The following SBF2 variants were observed in gnomAD, a reference collection of about 807,000 sequenced individuals.
SBF2 encodes the protein myotubularin-related protein 13.
A neutral mutation model predicts 225.2 loss-of-function variants in SBF2; 112 were observed. That is an observed-to-expected ratio of 0.50 (90% CI 0.43 to 0.58). The LOEUF (loss-of-function observed/expected upper bound fraction) is 0.58, where lower values mean the gene tolerates loss of function less well. Ranked by LOEUF, SBF2 falls within the 20% of genes least tolerant of loss-of-function variation. SBF2 has a pLI of 0.00. For missense variants in SBF2, 1,996 were observed against 2,206.2 expected, an observed-to-expected ratio of 0.90 and a Z score of 1.91; for synonymous variants, 763 against 773.3, an observed-to-expected ratio of 0.99 and a Z score of 0.22.
At chr11:9,898,040 G>A (rs1360119612) in intron 16 of SBF2, among the ~76,000 whole-genome samples, 4 of 151,362 alleles carry the variant, frequency 2.6e-5, no homozygotes, top group South Asian at 2.1e-4. Context: ...ACTAGTGCCC[G>A]GGAGAAGCAC....
intron 17 of SBF2, among the ~76,000 whole-genome samples, chr11:9,877,476 C>T (rs1859355077): frequency 6.6e-6 from 1 of 152,072 alleles, no homozygotes. Flanking sequence ...ATACATGTGC[C>T]ATGTTGGTTT....
intron 13 of SBF2, among the ~76,000 whole-genome samples, chr11:9,982,793 C>CCT (rs1830840408): frequency 6.6e-6 from 1 of 152,234 alleles, no homozygotes; most frequent in Admixed American, 6.5e-5. Flanking sequence ...GGGAGACCCT[C>CCT]CTCTCCCGAA....
intron 13 of SBF2, among the ~76,000 whole-genome samples, chr11:9,979,036 G>C (rs2134424818): frequency 6.6e-6 from 1 of 152,278 alleles, no homozygotes; most frequent in East Asian, 1.9e-4. Context: ...GTCAACTACT[G>C]GAAACATCGT....
intron 2 of SBF2, among the ~76,000 whole-genome samples, chr11:10,085,444 A>G (rs1281572739): frequency 6.6e-6 from 1 of 152,094 alleles, no homozygotes; most frequent in African/African-American, 2.4e-5. Flanking sequence ...TATTTCATGT[A>G]CTAATTTATG....
chr11:9,915,046 TAA>T (rs1372557456), intron 16 of SBF2, among the ~76,000 whole-genome samples: 2 of 151,950 alleles, frequency 1.3e-5, no homozygotes, highest in African/African-American at 4.8e-5. Context: ...CTTCAAAAAT[TAA>T]AAGACAAGTG....
chr11:10,252,135 A>G (rs1184202937), intron 1 of SBF2, among the ~76,000 whole-genome samples: 1 of 152,208 alleles, frequency 6.6e-6, no homozygotes, highest in African/African-American at 2.4e-5. Context: ...ATAAGGAGGT[A>G]CCCTCTACTC....
In SBF2 at chr11:9,780,361, C is replaced by T. The variant is rs1490140877; in HGVS notation, c.*57G>A. 4 of 1,444,166 alleles carry T rather than the reference C, an allele frequency of 2.8e-6. No individual in the cohort carries two copies. In the African/African-American group the frequency reaches 5.6e-5, roughly 20 times the overall value. 89.5% of individuals were successfully genotyped at this position (1,444,166 alleles called of 1,614,324 possible). A position where few individuals can be genotyped will look rare whatever the true frequency, so the allele number is the denominator to read the frequency against. On this transcript the variant is annotated 3_prime_UTR_variant, in exon 40 of 40. Coordinates refer to ENST00000256190, the MANE Select transcript of SBF2 (RefSeq NM_030962.4). The stretch of plus-strand genomic sequence containing the variant: ...TCCTCAAGGATCCATGCTTCTTTTT[C>T]TATCTATCTGGCAGCATGAGTTCTT...
intron 33 of SBF2, 68 bp from the exon 34 acceptor site, chr11:9,790,751 G>A (rs753875006): frequency 2.3e-5 from 27 of 1,187,866 alleles, no homozygotes; most frequent in Non-Finnish European, 3.3e-5. Context: ...AACGTATGAT[G>A]CATGCAGCAG....
intron 2 of SBF2, among the ~76,000 whole-genome samples, chr11:10,088,094 G>T (rs1951645636): frequency 1.3e-5 from 2 of 151,372 alleles, no homozygotes; most frequent in African/African-American, 4.9e-5. Context: ...CGTGATCTCA[G>T]CTCACTGCAG....
chr11:9,840,393 A>G (rs1245067018), intron 25 of SBF2, among the ~76,000 whole-genome samples: 1 of 152,260 alleles, frequency 6.6e-6, no homozygotes, highest in Non-Finnish European at 1.5e-5. Context: ...ATAAACATAA[A>G]TTAAAAGTGT....
rs41275196 is a variant in SBF2 at position 9,784,930 on chromosome 11, G to A, written c.5231+195C>T. 3,880 of 631,074 alleles carry A rather than the reference G, an allele frequency of 6.1e-3. 19 individuals are homozygous for A. The highest frequency in any genetic ancestry group is 8.1e-3 in the Non-Finnish European group (2,893 of 356,852). 39.1% of individuals were successfully genotyped at this position (631,074 alleles called of 1,614,324 possible). A position where few individuals can be genotyped will look rare whatever the true frequency, so the allele number is the denominator to read the frequency against. On this transcript the variant is annotated intron_variant, in intron 37 of 39. Transcript: ENST00000256190. ...AACTACAAATAACTACAACCTCTTC[G>A]AATTATTTTTAGTTGTAATTTTTGT...
chr11:10,195,361 G>A lies in SBF2; in HGVS notation c.56-1374C>T, dbSNP rs944735646. The stretch of plus-strand genomic sequence containing the variant: ...CCGAAGAAGGAATCAACTTCCCATT[G>A]AACTTTGGGGATGTAATTTGTGAGT... On this transcript the variant is annotated intron_variant, in intron 1 of 39. Coordinates refer to ENST00000256190, the MANE Select transcript of SBF2 (RefSeq NM_030962.4). Among the ~76,000 whole-genome samples the A allele has an allele frequency of 3.3e-5, 5 of 152,284 alleles. No homozygotes were observed. In the South Asian group the frequency reaches 1.0e-3, roughly 32 times the overall value.
intron 1 of SBF2, among the ~76,000 whole-genome samples, chr11:10,292,496 ATGGTGAAATCCCG>A (rs1964221642): frequency 6.6e-6 from 1 of 152,076 alleles, no homozygotes; most frequent in Non-Finnish European, 1.5e-5. Flanking sequence ...CCTGGCCAGG[ATGGTGAAATCCCG>A]TCTCTACTAC....
chr11:10,220,955 T>A (rs1046750340), intron 1 of SBF2, among the ~76,000 whole-genome samples: 3 of 152,122 alleles, frequency 2.0e-5, no homozygotes, highest in African/African-American at 7.2e-5. Context: ...AATCACCTCT[T>A]CTAGAAAGCC....
chr11:10,233,965 T>C (rs1958960919), intron 1 of SBF2, among the ~76,000 whole-genome samples: 1 of 152,182 alleles, frequency 6.6e-6, no homozygotes, highest in Non-Finnish European at 1.5e-5. Flanking sequence ...TTCACAGTCA[T>C]TGTTCCTCAA....
At chr11:10,168,187 G>A (rs1956050995) in intron 2 of SBF2, among the ~76,000 whole-genome samples, 1 of 151,982 alleles carries the variant, frequency 6.6e-6, no homozygotes, top group Non-Finnish European at 1.5e-5. Flanking sequence ...CTTTTATCTG[G>A]TTTACAGCTA....
chr11:9,967,322 A>G (rs1866979626), intron 14 of SBF2, among the ~76,000 whole-genome samples: 1 of 150,780 alleles, frequency 6.6e-6, no homozygotes, highest in Non-Finnish European at 1.5e-5. Flanking sequence ...CAGTGAGCCG[A>G]GATTGCTCCA....
rs1279874044 is a variant in SBF2 at position 10,193,968 on chromosome 11, C to T, written c.75G>A (p.Gly25=). 1 of 1,611,222 alleles carries T rather than the reference C, an allele frequency of 6.2e-7. No individual in the cohort carries two copies. The highest frequency in any genetic ancestry group is 1.3e-5 in the African/African-American group (1 of 74,982). ...HEKPGSGEGL[G]KIIQRFPQKD... is the part of the protein sequence containing the mutation. ...TCTGTGGAAATCTCTGGATTATTTT[C>T]CCCAGACCTTCTCCTGATCCTGTTA... is the stretch of plus-strand genomic sequence containing the variant. Residue 25 remains glycine, a synonymous_variant, in exon 2 of 40, where the codon GGG becomes GGA. Coordinates refer to ENST00000256190, the MANE Select transcript of SBF2 (RefSeq NM_030962.4).
chr11:10,081,269 G>C (rs1420054505), intron 2 of SBF2, among the ~76,000 whole-genome samples: 1 of 152,058 alleles, frequency 6.6e-6, no homozygotes, highest in Admixed American at 6.6e-5. Context: ...AATTCCAAGA[G>C]GAACTTTCAA....
Sources: allele counts gnomAD v4.1 joint callset (sites outside exome capture counted in the v4.1 genomes callset), GRCh38; gene constraint gnomAD v4.1.1; transcripts MANE v1.5; gene names NCBI Gene and HGNC (gene_info 2026-07-23, HGNC 2026-07-21).